The following AGBL1 variants were observed in gnomAD, a reference collection of about 807,000 sequenced individuals.
AGBL1 encodes AGBL carboxypeptidase 1, also known as cytosolic carboxypeptidase 4.
A neutral mutation model predicts 118.9 loss-of-function variants in AGBL1; 130 were observed. That is an observed-to-expected ratio of 1.09 (90% confidence interval 0.95 to 1.26). The LOEUF (loss-of-function observed/expected upper bound fraction) is 1.26. AGBL1 is among the 50% of genes most tolerant of loss of function. The probability of loss-of-function intolerance (pLI) is 0.00; values close to 1 mark genes in which losing one functional copy is unlikely to be tolerated. For synonymous variants in AGBL1, 555 were observed against 478.9 expected, an observed-to-expected ratio of 1.16 and a Z score of -2.08; for missense variants, 1,584 against 1,298.1, an observed-to-expected ratio of 1.22 and a Z score of -3.38.
At chr15:86,319,689 T>G (rs1370906422) in intron 17 of AGBL1, among the ~76,000 whole-genome samples, 1 of 151,266 alleles carries the variant, frequency 6.6e-6, no homozygotes, top group Non-Finnish European at 1.5e-5. Flanking sequence ...AAATAAATTC[T>G]GATACCTCGT....
At chr15:86,081,697 T>C (rs1332227901) in intron 1 of AGBL1, among the ~76,000 whole-genome samples, 1 of 152,254 alleles carries the variant, frequency 6.6e-6, no homozygotes, top group Non-Finnish European at 1.5e-5. Flanking sequence ...TCTTCTAATT[T>C]CTGAATAGTT....
At chr15:86,649,620 C>G (rs545784087) in intron 21 of AGBL1, among the ~76,000 whole-genome samples, 2 of 151,466 alleles carry the variant, frequency 1.3e-5, no homozygotes, top group African/African-American at 2.4e-5. Flanking sequence ...AGTCCAAATT[C>G]TGCATAAGAA....
intron 3 of AGBL1, among the ~76,000 whole-genome samples, chr15:86,144,454 C>T (rs2077006191): frequency 2.0e-5 from 3 of 152,168 alleles, no homozygotes; most frequent in Admixed American, 2.0e-4. Context: ...AAATGTGGTA[C>T]ACATACACCA....
At chr15:86,086,417 C>T (rs187078573) in intron 1 of AGBL1, 1 of 152,162 alleles carries the variant, frequency 6.6e-6, no homozygotes, top group Non-Finnish European at 1.5e-5. Flanking sequence ...TGTGCTTTTT[C>T]ACTGAGCAAA....
chr15:86,871,844 A>C (rs2079732829), intron 22 of AGBL1, among the ~76,000 whole-genome samples: 1 of 152,196 alleles, frequency 6.6e-6, no homozygotes, highest in African/African-American at 2.4e-5. Flanking sequence ...GTCTTTCTAC[A>C]TCATCCCTCA....
At chr15:86,633,085 AAGT>A (rs1321722018) in intron 21 of AGBL1, among the ~76,000 whole-genome samples, 1 of 152,172 alleles carries the variant, frequency 6.6e-6, no homozygotes, top group Non-Finnish European at 1.5e-5. Context: ...ACACTTAGAC[AAGT>A]AGTAAGAATT....
intron 22 of AGBL1, among the ~76,000 whole-genome samples, chr15:86,845,216 A>T (rs759843726): frequency 6.6e-6 from 1 of 152,140 alleles, no homozygotes; most frequent in Non-Finnish European, 1.5e-5. Context: ...GATATATATC[A>T]CTTCGAATGT....
chr15:86,370,135 T>G (rs1369112189), intron 17 of AGBL1, among the ~76,000 whole-genome samples: 1 of 152,070 alleles, frequency 6.6e-6, no homozygotes, highest in Non-Finnish European at 1.5e-5. Context: ...TGAAGGACAA[T>G]GAAAACATTA....
chr15:86,600,785 A>G (rs2084480936), intron 21 of AGBL1, among the ~76,000 whole-genome samples: 1 of 152,162 alleles, frequency 6.6e-6, no homozygotes, highest in African/African-American at 2.4e-5. Context: ...TATCAAAATC[A>G]GAGAATATAA....
intron 22 of AGBL1, among the ~76,000 whole-genome samples, chr15:86,848,618 G>C (rs1197416335): frequency 6.6e-6 from 1 of 152,152 alleles, no homozygotes; most frequent in East Asian, 1.9e-4. Flanking sequence ...TATCTCTGTA[G>C]AATGGGTTAC....
intron 21 of AGBL1, among the ~76,000 whole-genome samples, chr15:86,593,921 ATTT>A (rs560172850): frequency 6.9e-6 from 1 of 143,906 alleles, no homozygotes; most frequent in African/African-American, 2.5e-5. Flanking sequence ...ACACTGATTG[ATTT>A]TTTTTTTTTT....
At chr15:86,113,109 A>AT (rs1161084582) in intron 1 of AGBL1, among the ~76,000 whole-genome samples, 1 of 152,112 alleles carries the variant, frequency 6.6e-6, no homozygotes, top group Non-Finnish European at 1.5e-5. Context: ...ACTGGGGCAG[A>AT]TTTTAGCTTT....
chr15:86,493,524 A>G (rs1346081202), intron 18 of AGBL1, among the ~76,000 whole-genome samples: 1 of 152,076 alleles, frequency 6.6e-6, no homozygotes, highest in African/African-American at 2.4e-5. Flanking sequence ...ACCTTTTGTC[A>G]GGTGGCATCT....
intron 22 of AGBL1, among the ~76,000 whole-genome samples, chr15:86,781,666 C>G (rs980488207): frequency 6.6e-6 from 1 of 152,112 alleles, no homozygotes; most frequent in Non-Finnish European, 1.5e-5. Flanking sequence ...ATATCTGAGT[C>G]GTTTCATTGT....
chr15:86,779,646 G>A (rs1206797586), intron 22 of AGBL1, among the ~76,000 whole-genome samples: 1 of 152,052 alleles, frequency 6.6e-6, no homozygotes, highest in African/African-American at 2.4e-5. Context: ...TTTTAGCATT[G>A]TATGGAGAAT....
At chr15:87,021,884 C>T (rs1047662165) in intron 24 of AGBL1, among the ~76,000 whole-genome samples, 7 of 152,208 alleles carry the variant, frequency 4.6e-5, no homozygotes, top group South Asian at 2.1e-4. Context: ...CTGAAGGAAG[C>T]GGATTGCTCC....
intron 19 of AGBL1, among the ~76,000 whole-genome samples, chr15:86,543,625 G>C (rs1200981256): frequency 1.3e-5 from 2 of 152,068 alleles, no homozygotes; most frequent in South Asian, 2.1e-4. Flanking sequence ...GGCCAAGAAA[G>C]ATACAGGAAA....
intron 18 of AGBL1, among the ~76,000 whole-genome samples, chr15:86,408,677 G>T (rs898155095): frequency 2.0e-5 from 3 of 152,210 alleles, no homozygotes; most frequent in African/African-American, 7.2e-5. Flanking sequence ...TGAAGCAGAG[G>T]TTGAGTGTTT....
intron 22 of AGBL1, among the ~76,000 whole-genome samples, chr15:86,881,892 T>G (rs1287581105): frequency 1.3e-5 from 2 of 152,148 alleles, no homozygotes; most frequent in African/African-American, 4.8e-5. Context: ...ACTCACTCAC[T>G]AGGTAGTACC....
Sources: allele counts gnomAD v4.1 joint callset (sites outside exome capture counted in the v4.1 genomes callset), GRCh38; gene constraint gnomAD v4.1.1; transcripts MANE v1.5; gene names NCBI Gene and HGNC (gene_info 2026-07-23, HGNC 2026-07-21).